Variants in CASD1 observed in about 807,000 individuals in gnomAD.
CASD1 encodes the protein CAS1 domain sialic acid O acetyltransferase 1, also known as N-acetylneuraminate (7)9-O-acetyltransferase.
A neutral mutation model predicts 100.0 loss-of-function variants in CASD1; 41 were observed. The ratio of observed to expected loss-of-function variants is 0.41; its 90% confidence interval spans 0.32 to 0.53. The LOEUF is 0.53. Ranked by LOEUF, CASD1 falls within the 20% of genes least tolerant of loss-of-function variation. CASD1 has a pLI of 0.25. For synonymous variants in CASD1, 321 were observed against 315.6 expected (o/e 1.02, Z -0.18); for missense variants, 774 against 948.7 (o/e 0.82, Z 2.42).
chr7:94,533,141 A>G (rs1453006285), intron 5 of CASD1, 64 bp from the exon 6 acceptor site: 8 of 1,136,534 alleles, frequency 7.0e-6, no homozygotes, highest in African/African-American at 3.1e-5. Flanking sequence ...AAATTAAATG[A>G]TGTTACTTGT....
the CASD1 span, among the ~76,000 whole-genome samples, chr7:94,583,159 T>G: frequency 6.6e-6 from 1 of 152,254 alleles, no homozygotes; most frequent in Non-Finnish European, 1.5e-5. Flanking sequence ...TTCTTCTAAG[T>G]ATTCTCTTAG....
At chr7:94,557,616 T>A (rs186494633), downstream of CASD1, among the ~76,000 whole-genome samples, 1 of 152,220 alleles carries the variant, frequency 6.6e-6, no homozygotes, top group African/African-American at 2.4e-5. Context: ...TGGAAGCACT[T>A]ATGTCTTCAG....
At chr7:94,523,334 G>T (rs1053346012) in intron 3 of CASD1, among the ~76,000 whole-genome samples, 1 of 152,088 alleles carries the variant, frequency 6.6e-6, no homozygotes, top group Admixed American at 6.5e-5. Context: ...TTTTAACAAG[G>T]TAGCTGATAA....
At chr7:94,531,960 C>A (rs1229855444) in intron 5 of CASD1, among the ~76,000 whole-genome samples, 2 of 152,034 alleles carry the variant, frequency 1.3e-5, no homozygotes, top group African/African-American at 2.4e-5. Context: ...GCCTGCCCCA[C>A]AGGGTGGCAG....
the CASD1 span, among the ~76,000 whole-genome samples, chr7:94,601,472 A>C: frequency 7.3e-6 from 1 of 136,802 alleles, no homozygotes; most frequent in East Asian, 2.1e-4. Context: ...AAAAAAAAAA[A>C]AAAACTACAA....
intron 1 of CASD1, among the ~76,000 whole-genome samples, chr7:94,512,332 G>T (rs1202151422): frequency 6.6e-6 from 1 of 152,152 alleles, no homozygotes; most frequent in Non-Finnish European, 1.5e-5. Flanking sequence ...GCCATCCTGG[G>T]CCTCCAGCAG....
the CASD1 span, chr7:94,600,620 T>C: frequency 6.6e-6 from 10 of 1,522,626 alleles, no homozygotes; most frequent in Admixed American, 1.3e-4. Flanking sequence ...GATCTCTAAT[T>C]ATCTTATTAG....
intron 17 of CASD1, among the ~76,000 whole-genome samples, chr7:94,555,052 A>T (rs903592845): frequency 1.3e-5 from 2 of 152,144 alleles, no homozygotes; most frequent in African/African-American, 2.4e-5. Flanking sequence ...TTTGTGTAAG[A>T]TACATAATAT....
At chr7:94,611,932 GA>G in the CASD1 span, among the ~76,000 whole-genome samples, 1 of 152,098 alleles carries the variant, frequency 6.6e-6, no homozygotes, top group South Asian at 2.1e-4. Context: ...TAAAAATTCA[GA>G]ACAAAAGTAG....
chr7:94,610,009 G>C, the CASD1 span, among the ~76,000 whole-genome samples: 231 of 152,226 alleles, frequency 1.5e-3, 1 homozygote, highest in African/African-American at 5.0e-3. Flanking sequence ...CCAGAAAATG[G>C]AATATTATTC....
At chr7:94,633,287 A>G in the CASD1 span, among the ~76,000 whole-genome samples, 1 of 152,090 alleles carries the variant, frequency 6.6e-6, no homozygotes, top group East Asian at 1.9e-4. Flanking sequence ...CAAGAGGTCA[A>G]AAATATCATC....
chr7:94,593,744 T>A, the CASD1 span, among the ~76,000 whole-genome samples: 4 of 152,084 alleles, frequency 2.6e-5, no homozygotes, highest in Non-Finnish European at 5.9e-5. Flanking sequence ...CTAGACAATG[T>A]GCATGGACTG....
chr7:94,620,870 C>T, the CASD1 span: 1 of 152,240 alleles, frequency 6.6e-6, no homozygotes, highest in Non-Finnish European at 1.5e-5. Context: ...GCTGCCAGGC[C>T]TCCCAGAGAT....
chr7:94,517,546 T>C lies in CASD1; in HGVS notation c.134-14T>C. The C allele has an allele frequency of 6.4e-7, 1 of 1,557,554 alleles. No individual in the cohort carries two copies. On this transcript the variant is annotated splice_polypyrimidine_tract_variant and intron_variant, in intron 1 of 17. Transcript: ENST00000297273. Reference sequence around the variant, plus strand: ...AACTATTGTTTACAACACTGTTGTGTTTAACTGTTTTAGGCAATGATTCGT... The same window carrying C: ...AACTATTGTTTACAACACTGTTGTGCTTAACTGTTTTAGGCAATGATTCGT...
intron 10 of CASD1, among the ~76,000 whole-genome samples, chr7:94,542,586 C>T (rs890224464): frequency 2.6e-5 from 4 of 152,066 alleles, no homozygotes; most frequent in African/African-American, 7.2e-5. Context: ...TGTTGGATAG[C>T]GCTGCTCTAG....
chr7:94,587,745 T>G, the CASD1 span: 1 of 1,534,206 alleles, frequency 6.5e-7, no homozygotes, highest in Non-Finnish European at 8.8e-7. Flanking sequence ...CATCTTGTAA[T>G]TGAAATCTGA....
chr7:94,559,556 C>T (rs950933029), downstream of CASD1, among the ~76,000 whole-genome samples: 4 of 152,146 alleles, frequency 2.6e-5, no homozygotes, highest in East Asian at 1.9e-4. Flanking sequence ...GAGGCAGTCT[C>T]GCTCTCTTGC....
At chr7:94,600,035 T>C in the CASD1 span, 1 of 264,274 alleles carries the variant, frequency 3.8e-6, no homozygotes, top group African/African-American at 2.2e-5. Context: ...TACTTGCTGC[T>C]TTATTAATTT....
At chr7:94,533,596 A>G (rs1315659855) in intron 6 of CASD1, 83 bp from the exon 7 acceptor site, 1 of 986,276 alleles carries the variant, frequency 1.0e-6, no homozygotes, top group African/African-American at 1.7e-5. Context: ...TAAAATAATA[A>G]CACTTGTTAC....
Sources: allele counts gnomAD v4.1 joint callset (sites outside exome capture counted in the v4.1 genomes callset), GRCh38; gene constraint gnomAD v4.1.1; transcripts MANE v1.5; gene names NCBI Gene and HGNC (gene_info 2026-07-23, HGNC 2026-07-21).